The following THAP8 variants were observed in gnomAD, a reference collection of about 807,000 sequenced individuals.
The protein encoded by THAP8 is THAP domain-containing protein 8.
THAP8 carries 24 observed loss-of-function variants against 25.0 expected under a neutral mutation model. That is an observed-to-expected ratio of 0.96 (90% CI 0.69 to 1.35). The LOEUF (loss-of-function observed/expected upper bound fraction) is 1.35. Among genes scored for constraint, THAP8 ranks in the 40% most tolerant of loss-of-function variants. The pLI, the probability that THAP8 is intolerant of heterozygous loss-of-function variation, is 0.00. For missense variants in THAP8, 399 were observed against 368.8 expected, an observed-to-expected ratio of 1.08 and a Z score of -0.67; for synonymous variants, 169 against 157.6, an observed-to-expected ratio of 1.07 and a Z score of -0.54.
intron 1 of THAP8, among the ~76,000 whole-genome samples, chr19:36,043,050 T>C (rs1000952271): frequency 1.3e-5 from 2 of 152,158 alleles, no homozygotes; most frequent in African/African-American, 4.8e-5. Context: ...CGCCTCAGCT[T>C]CCCAAGTAGC....
At chr19:36,044,142 T>C (rs1211216373) in intron 1 of THAP8, among the ~76,000 whole-genome samples, 1 of 152,160 alleles carries the variant, frequency 6.6e-6, no homozygotes, top group Non-Finnish European at 1.5e-5. Context: ...CATGATCAAA[T>C]GCTGGCCAGT....
Position 36,035,499 on chromosome 19 carries a change from C to CA in THAP8, c.765dup (p.Ala256CysfsTer73), listed in dbSNP as rs371110457. ...GGCTTGGCATCCACTGTGGCAGGTG[C>CA]AGGGTCCTGGGCAAGGACCATGGCT... On this transcript the variant is annotated frameshift_variant, in exon 4 of 4. Coordinates refer to ENST00000292894, the MANE Select transcript of THAP8 (RefSeq NM_152658.3). LOFTEE classifies it high-confidence loss of function. 2.6e-5 allele frequency: 42 copies of CA among 1,614,168 alleles called. No individual in the cohort carries two copies. In the African/African-American group the frequency reaches 5.2e-4, roughly 20 times the overall value.
At chr19:36,048,654 C>G (rs146116010) in intron 1 of THAP8, among the ~76,000 whole-genome samples, 1 of 151,640 alleles carries the variant, frequency 6.6e-6, no homozygotes, top group African/African-American at 2.4e-5. Flanking sequence ...TGTGAGCCAC[C>G]GCGCCCAGCC....
At chr19:36,052,163 GCCT>G (rs1388813955) in intron 1 of THAP8, among the ~76,000 whole-genome samples, 1 of 152,046 alleles carries the variant, frequency 6.6e-6, no homozygotes, top group African/African-American at 2.4e-5. Flanking sequence ...TCCTGCCTCA[GCCT>G]CCCAAGTAGC....
rs573917078 is a variant in THAP8 at position 36,048,616 on chromosome 19, C to T, written c.83+5519G>A. ...CTGACCTCAGGTGATCCACTTGCCT[C>T]AACCTTCCAAAGTGCTGGGATTACA... On this transcript the variant is annotated intron_variant, in intron 1 of 3. Coordinates refer to ENST00000292894, the MANE Select transcript of THAP8 (RefSeq NM_152658.3). Among the ~76,000 whole-genome samples, 7 of 152,066 alleles carry T rather than the reference C, an allele frequency of 4.6e-5. 1 individual carries two copies. Among genetic ancestry groups the T allele is most frequent in the Admixed American group, 4.6e-4 (7 of 15,274 alleles).
intron 1 of THAP8, chr19:36,045,788 C>G (rs1202920748): frequency 4.4e-6 from 2 of 456,680 alleles, no homozygotes; most frequent in Non-Finnish European, 8.8e-6. Flanking sequence ...CTGCAGCCAC[C>G]AGGAACCGGA....
Position 36,039,975 on chromosome 19 carries a change from G to A in THAP8, c.245C>T (p.Pro82Leu). 6.2e-7 allele frequency: 1 copy of A among 1,613,352 alleles called. No individual in the cohort carries two copies. The highest frequency in any genetic ancestry group is 8.5e-7 in the Non-Finnish European group (1 of 1,179,934). The change falls in exon 2 of 4, where the codon CCC (proline) becomes CTC (leucine). Residue 82 changes from proline (P) to leucine (L), a missense_variant. Coordinates refer to ENST00000292894, the MANE Select transcript of THAP8 (RefSeq NM_152658.3). ...AGGTGGTCCCCGGGAGAAGATGGAG[G>A]GCACTGCATCAGGCCGCAGGTAGCG... ...GVRYLRPDAV[P>L]SIFSRGPPAK...
At chr19:36,037,343 TACACACACACACAC>T (rs58349186) in intron 3 of THAP8, among the ~76,000 whole-genome samples, 6 of 114,830 alleles carry the variant, frequency 5.2e-5, no homozygotes, top group Admixed American at 1.7e-4. Flanking sequence ...ATTCCTCCCC[TACACACACACACAC>T]ACACACACAC....
rs545033272 is a variant in THAP8 at position 36,037,216 on chromosome 19, A to T, written c.673-1624T>A. On this transcript the variant is annotated intron_variant, in intron 3 of 3. Coordinates refer to ENST00000292894, the MANE Select transcript of THAP8 (RefSeq NM_152658.3). ...CCCCCGCCACCCCACACACAGAGAC[A>T]TAACACCCTTCCTCAACTTCCTCCC... Among the ~76,000 whole-genome samples the T allele has an allele frequency of 1.0e-4, 15 of 150,554 alleles. No homozygotes were observed. The East Asian group carries it at 3.0e-3, about 30-fold the overall frequency.
rs1024467270 is a variant in THAP8, at chr19:36,054,065, G to A, written c.83+70C>T. ...GCAAGACCAGAAGCCCCGCACAGCA[G>A]CACTAATGCTCGGGCCCCACCCCTC... On this transcript the variant is annotated intron_variant, in intron 1 of 3. Coordinates refer to ENST00000292894, the MANE Select transcript of THAP8 (RefSeq NM_152658.3). 19 of 1,526,234 alleles carry A rather than the reference G, an allele frequency of 1.2e-5. No homozygotes were observed. The African/African-American group carries it at 1.6e-4, about 13-fold the overall frequency. The allele number at this position is 1,526,234 out of a possible 1,614,324, so 94.5% of individuals were successfully genotyped here.
At chr19:36,036,769 C>T (rs939950588) in intron 3 of THAP8, among the ~76,000 whole-genome samples, 1 of 151,874 alleles carries the variant, frequency 6.6e-6, no homozygotes, top group East Asian at 1.9e-4. Flanking sequence ...GGCAAAACCC[C>T]GTCTCTACTA....
At chr19:36,050,053 C>CA (rs1250976973) in intron 1 of THAP8, among the ~76,000 whole-genome samples, 17,799 of 76,464 alleles carry the variant, frequency 0.23, 1,653 homozygotes, top group Middle Eastern at 0.37. Context: ...GACCCTGTCT[C>CA]AAAAAAAAAA....
upstream of THAP8, chr19:36,054,658 T>G: frequency 1.8e-6 from 1 of 562,050 alleles, no homozygotes; most frequent in Middle Eastern, 4.7e-4. Context: ...GCCGTGGCCT[T>G]AGCCTCGTAA....
chr19:36,041,039 G>A (rs1251872995), intron 1 of THAP8, among the ~76,000 whole-genome samples: 4 of 152,000 alleles, frequency 2.6e-5, no homozygotes, highest in Non-Finnish European at 5.9e-5. Context: ...CAGGCATGGC[G>A]GTTCATGCCT....
At chr19:36,054,500 G>A (rs528272144), upstream of THAP8, 1,730 of 573,848 alleles carry the variant, frequency 3.0e-3, 5 homozygotes, top group Non-Finnish European at 4.3e-3. Flanking sequence ...GTGTTGGGGG[G>A]AAGGGCGGCG....
intron 3 of THAP8, among the ~76,000 whole-genome samples, chr19:36,036,663 G>A (rs1377149669): frequency 1.3e-5 from 2 of 152,060 alleles, no homozygotes; most frequent in Non-Finnish European, 2.9e-5. Context: ...ACTCCTGGCT[G>A]GGCATGGTGG....
At chr19:36,040,232 T>G in intron 1 of THAP8, 96 bp from the exon 2 acceptor site, 1 of 1,302,496 alleles carries the variant, frequency 7.7e-7, no homozygotes, top group Non-Finnish European at 1.0e-6. Context: ...GCTCCAAGCC[T>G]GTGCCTCCCT....
intron 3 of THAP8, 120 bp downstream of exon 3, chr19:36,039,203 A>C: frequency 1.8e-5 from 24 of 1,345,660 alleles, no homozygotes; most frequent in Non-Finnish European, 2.3e-5. Flanking sequence ...GAAAGCCAGA[A>C]ATTTGGAAAC....
At chr19:36,053,509 C>T (rs968494078) in intron 1 of THAP8, among the ~76,000 whole-genome samples, 1 of 143,620 alleles carries the variant, frequency 7.0e-6, no homozygotes, top group South Asian at 2.2e-4. Flanking sequence ...GAGCTGTGAT[C>T]GTTCCACTGC....
Sources: allele counts gnomAD v4.1 joint callset (sites outside exome capture counted in the v4.1 genomes callset), GRCh38; gene constraint gnomAD v4.1.1; transcripts MANE v1.5; gene names NCBI Gene and HGNC (gene_info 2026-07-23, HGNC 2026-07-21).